The following ZNF880 variants were observed in gnomAD, a reference collection of about 807,000 sequenced individuals.
ZNF880 encodes the protein zinc finger protein 880.
Under a neutral mutation model 11.8 loss-of-function variants are expected in ZNF880, and 12 were observed. That is an observed-to-expected ratio of 1.02 (90% CI 0.65 to 1.65). The LOEUF is 1.65. Ranked by LOEUF, ZNF880 falls within the 40% of genes most tolerant of loss-of-function variation. ZNF880 has a pLI of 0.00. For synonymous variants in ZNF880, 210 were observed against 232.4 expected (o/e 0.90, Z 0.88); for missense variants, 601 against 673.9 (o/e 0.89, Z 1.20).
At chr19:52,388,281 A>ATTTTTTTTT (rs1298446341), downstream of ZNF880, among the ~76,000 whole-genome samples, 14 of 38,878 alleles carry the variant, frequency 3.6e-4, no homozygotes, top group African/African-American at 5.5e-4. Flanking sequence ...GGCAATTTGA[A>ATTTTTTTTT]CTTTTTTTTT....
downstream of ZNF880, chr19:52,390,444 C>G: frequency 3.3e-6 from 1 of 300,696 alleles, no homozygotes; most frequent in South Asian, 2.4e-5. Context: ...GCTCCCCAGG[C>G]CTCCCCTTCT....
the ZNF880 span, chr19:52,396,690 TG>T: frequency 6.6e-6 from 1 of 152,232 alleles, no homozygotes; most frequent in Non-Finnish European, 1.5e-5. Context: ...TAGGAGCAGA[TG>T]GGAAGACTGC....
downstream of ZNF880, among the ~76,000 whole-genome samples, chr19:52,387,012 TA>T (rs771629456): frequency 1.5e-4 from 21 of 140,776 alleles, 4 homozygotes; most frequent in Non-Finnish European, 3.0e-5. Flanking sequence ...ACATCATTTC[TA>T]CCAATTGTTT....
upstream of ZNF880, among the ~76,000 whole-genome samples, chr19:52,368,760 C>A (rs917635566): frequency 6.6e-6 from 1 of 151,884 alleles, no homozygotes; most frequent in Non-Finnish European, 1.5e-5. Context: ...TACATTTCTT[C>A]CCTGTTTTGC....
the ZNF880 span, among the ~76,000 whole-genome samples, chr19:52,392,292 T>TTCTCTC: frequency 1.3e-4 from 20 of 151,422 alleles, no homozygotes; most frequent in African/African-American, 4.4e-4. Flanking sequence ...CTTCCTCCCT[T>TTCTCTC]TCTCTCTCTC....
downstream of ZNF880, chr19:52,389,344 T>G (rs1986981890): frequency 6.6e-6 from 1 of 152,220 alleles, no homozygotes; most frequent in Non-Finnish European, 1.5e-5. Flanking sequence ...CTAGGTACAA[T>G]GGAGGCACAG....
At chr19:52,376,491 GCACCGC>G (rs1327826991) in intron 3 of ZNF880, among the ~76,000 whole-genome samples, 1 of 49,326 alleles carries the variant, frequency 2.0e-5, no homozygotes, top group African/African-American at 7.9e-5. Flanking sequence ...CATGTCCTTA[GCACCGC>G]CCCCCCCCCC....
At chr19:52,392,299 T>C in the ZNF880 span, among the ~76,000 whole-genome samples, 4 of 151,600 alleles carry the variant, frequency 2.6e-5, no homozygotes, top group Admixed American at 2.6e-4. Flanking sequence ...CCTTTCTCTC[T>C]CTCTTTCTTT....
At chr19:52,368,792 CAAAT>C (rs1232596979), upstream of ZNF880, among the ~76,000 whole-genome samples, 1 of 151,724 alleles carries the variant, frequency 6.6e-6, no homozygotes, top group Non-Finnish European at 1.5e-5. Flanking sequence ...CTTTAGGGGA[CAAAT>C]AAATGAGTGC....
chr19:52,378,798 C>A (rs1986628199), intron 3 of ZNF880, among the ~76,000 whole-genome samples: 1 of 151,874 alleles, frequency 6.6e-6, no homozygotes, highest in African/African-American at 2.4e-5. Context: ...GAACTTGGGG[C>A]CAGGCACAGT....
chr19:52,378,520 G>C (rs1200323969), intron 3 of ZNF880, among the ~76,000 whole-genome samples: 1 of 151,722 alleles, frequency 6.6e-6, no homozygotes, highest in Admixed American at 6.6e-5. Context: ...GGTGGTGCAT[G>C]CCTGTAGTCC....
At chr19:52,368,942 C>T (rs1986244968), upstream of ZNF880, among the ~76,000 whole-genome samples, 11 of 119,582 alleles carry the variant, frequency 9.2e-5, no homozygotes, top group South Asian at 3.0e-3. Context: ...GCTGTCTGCA[C>T]TTCAGCCTGA....
chr19:52,395,217 C>T, the ZNF880 span, among the ~76,000 whole-genome samples: 1 of 152,142 alleles, frequency 6.6e-6, no homozygotes, highest in Non-Finnish European at 1.5e-5. Flanking sequence ...CAGCCTGTCA[C>T]TTTTATTTCT....
rs1255032714 is a variant in ZNF880, at chr19:52,384,875, G to A, written c.1295G>A (p.Gly432Glu). 1 of 1,581,878 alleles carries A rather than the reference G, an allele frequency of 6.3e-7. No homozygotes were observed. The highest frequency in any genetic ancestry group is 1.8e-5 in the Admixed American group (1 of 56,900). ...ACTGCCCATCTACTAATTCACACTGGAGAGAAACCTTACAAATGTAAAGAA... is the reference window on the plus strand; with the variant it reads ...ACTGCCCATCTACTAATTCACACTGAAGAGAAACCTTACAAATGTAAAGAA... ...GLTAHLLIHTGEKPYKCKECA... is the reference protein window; with the variant it reads ...GLTAHLLIHTEEKPYKCKECA... The change falls in exon 4 of 4, where the codon GGA becomes GAA. Residue 432 changes from glycine to glutamate, a missense_variant. Transcript: ENST00000422689.
Position 52,373,096 on chromosome 19 carries a change from T to G in ZNF880, c.13-15T>G. 1 of 1,611,458 alleles carries G rather than the reference T, an allele frequency of 6.2e-7. No homozygotes were observed. Among genetic ancestry groups the G allele is most frequent in the African/African-American group, 1.3e-5 (1 of 74,956 alleles). Reference sequence around the variant, plus strand: ...TGTGTGATATCCTGTTGGTGAAATGTGTTTTTCATTTTAGGGACACTTGGC... The same window carrying G: ...TGTGTGATATCCTGTTGGTGAAATGGGTTTTTCATTTTAGGGACACTTGGC... On this transcript the variant is annotated splice_polypyrimidine_tract_variant and intron_variant, in intron 1 of 3. Transcript: ENST00000422689.
At chr19:52,367,753 G>A (rs1986182739), upstream of ZNF880, 1 of 152,128 alleles carries the variant, frequency 6.6e-6, no homozygotes, top group Admixed American at 6.6e-5. Context: ...TCAAATGTGT[G>A]TGAGTGTTAA....
At chr19:52,393,011 G>A in the ZNF880 span, among the ~76,000 whole-genome samples, 1 of 151,356 alleles carries the variant, frequency 6.6e-6, no homozygotes, top group Non-Finnish European at 1.5e-5. Context: ...AATAGTGTTT[G>A]GGAAACTCTG....
intron 1 of ZNF880, among the ~76,000 whole-genome samples, chr19:52,372,112 C>A (rs1986391138): frequency 6.6e-6 from 1 of 151,536 alleles, no homozygotes. Context: ...TCACTTGAAC[C>A]TGGGAGGCGG....
In ZNF880 at chr19:52,385,090, A is replaced by G. The variant is rs1287091814; in HGVS notation, c.1510A>G (p.Asn504Asp). 1 of 1,556,132 alleles carries G rather than the reference A, an allele frequency of 6.4e-7. No individual in the cohort carries two copies. Among genetic ancestry groups the G allele is most frequent in the African/African-American group, 1.4e-5 (1 of 72,736 alleles). Residue 504 changes from asparagine (N) to aspartate (D), a missense_variant, in exon 4 of 4, where the codon AAT becomes GAT. Asn to Asp is a conservative substitution (Grantham distance 23). Transcript: ENST00000422689. ...CSECHKVFSH[N>D]SHLARHRQIH... ...TGAATGTCACAAAGTCTTTAGTCAC[A>G]ATTCACACCTTGCACGACATAGGCA... is the stretch of plus-strand genomic sequence containing the variant.
Sources: gnomAD v4.1 joint callset for allele counts (sites outside exome capture counted in the v4.1 genomes callset) on GRCh38, gnomAD v4.1.1 for gene constraint, MANE v1.5 for transcripts, NCBI Gene and HGNC (gene_info 2026-07-23, HGNC 2026-07-21) for gene names.